Variants in USP31 observed in about 807,000 individuals in gnomAD.
The protein encoded by USP31 is ubiquitin carboxyl-terminal hydrolase 31.
A neutral mutation model predicts 119.4 loss-of-function variants in USP31; 44 were observed. The observed-to-expected ratio is 0.37, with a 90% CI of 0.29 to 0.47. USP31 has a LOEUF of 0.47. Ranked by LOEUF, USP31 falls within the 20% of genes least tolerant of loss-of-function variation. USP31 has a pLI of 0.99. For synonymous variants in USP31, 749 were observed against 705.6 expected (o/e 1.06, Z -0.97); for missense variants, 1,643 against 1,730.2 (o/e 0.95, Z 0.89).
At chr16:23,120,562 T>C (rs1483710830) in intron 1 of USP31, among the ~76,000 whole-genome samples, 3 of 152,236 alleles carry the variant, frequency 2.0e-5, no homozygotes, top group African/African-American at 4.8e-5. Flanking sequence ...AAAAAGAATG[T>C]ATCCCTACAG....
chr16:23,140,106 C>T (rs931973166), intron 1 of USP31, among the ~76,000 whole-genome samples: 4 of 152,228 alleles, frequency 2.6e-5, no homozygotes, highest in East Asian at 1.9e-4. Context: ...TTTCTAAAAT[C>T]GTTTTCATCA....
At chr16:23,147,495 A>G (rs1251852470) in intron 1 of USP31, among the ~76,000 whole-genome samples, 1 of 152,176 alleles carries the variant, frequency 6.6e-6, no homozygotes, top group East Asian at 1.9e-4. Flanking sequence ...TTCTGCTTAG[A>G]GTAACCGCCC....
intron 7 of USP31, among the ~76,000 whole-genome samples, chr16:23,088,806 GATTT>G (rs1486527874): frequency 6.6e-6 from 1 of 152,168 alleles, no homozygotes; most frequent in African/African-American, 2.4e-5. Context: ...CAAGCACTGT[GATTT>G]ATTTATCTTA....
chr16:23,072,302 G>C, intron 14 of USP31, 105 bp from the exon 15 acceptor site: 4 of 1,471,554 alleles, frequency 2.7e-6, no homozygotes, highest in Non-Finnish European at 3.7e-6. Context: ...GGGGGGCGTT[G>C]ATGTCCTCAC....
intron 6 of USP31, among the ~76,000 whole-genome samples, chr16:23,095,526 A>C (rs539974307): frequency 6.6e-6 from 1 of 152,330 alleles, no homozygotes; most frequent in East Asian, 1.9e-4. Context: ...CGAGAAGAAC[A>C]ACCCCAAGAC....
chr16:23,080,801 CA>C (rs1900786144), intron 12 of USP31, among the ~76,000 whole-genome samples: 2 of 152,112 alleles, frequency 1.3e-5, no homozygotes, highest in African/African-American at 4.8e-5. Context: ...TAGATATGTC[CA>C]CCCTAAGGAG....
At position 23,105,570 on chromosome 16, in the gene USP31, G is replaced by C. The variant is rs1389979423; in HGVS notation, c.960C>G (p.Leu320=). 2.5e-6 allele frequency: 4 copies of C among 1,613,570 alleles called. No homozygotes were observed. In the Admixed American group the frequency reaches 5.0e-5, roughly 20 times the overall value. ...LPIPLPHTRP[L]YVTVVYQGKC... Reference sequence around the variant, plus strand: ...TGCCTTGATACACTACAGTGACATAGAGAGGCCTGTACAGATCAAAGTCAG... The same window carrying C: ...TGCCTTGATACACTACAGTGACATACAGAGGCCTGTACAGATCAAAGTCAG... The change falls in exon 5 of 16, where the codon CTC becomes CTG. Residue 320 remains leucine, a synonymous_variant. Coordinates refer to ENST00000219689, the MANE Select transcript of USP31 (RefSeq NM_020718.4).
chr16:23,131,301 A>G (rs373665605), intron 1 of USP31, among the ~76,000 whole-genome samples: 1 of 152,116 alleles, frequency 6.6e-6, no homozygotes. Flanking sequence ...GACTGTCTAA[A>G]AATAGTAACA....
In USP31 at chr16:23,068,653, T is replaced by C. The variant is rs374242188; in HGVS notation, c.3452A>G (p.Asp1151Gly). ...GGAGCCCTCTCTACTCAAGCTGTGG[T>C]CTGAAGTCCTGCTCTTCCCAGGTGG... is the stretch of plus-strand genomic sequence containing the variant. ...PFPPGKSRTS[D>G]HSLSREGSRQ... is the part of the protein sequence containing the mutation. Residue 1151 changes from aspartate to glycine, a missense_variant, in exon 16 of 16, where the codon GAC (aspartate) becomes GGC (glycine). Physicochemically the swap from Asp to Gly is moderately conservative, Grantham distance 94. This residue lies in a region of USP31 where 699 missense variants were observed against 650.9 expected (regional missense o/e 1.07). Coordinates refer to ENST00000219689, the MANE Select transcript of USP31 (RefSeq NM_020718.4). The C allele has an allele frequency of 6.2e-7, 1 of 1,614,200 alleles. No individual in the cohort carries two copies. The highest frequency in any genetic ancestry group is 8.5e-7 in the Non-Finnish European group (1 of 1,180,038).
In USP31 at chr16:23,122,428, T is replaced by C. The variant is rs573424293; in HGVS notation, c.634-14245A>G. ...CGGCTCCTCAAACAATTAAACACAG[T>C]TACCATATGACCCAGCAATTCCATC... On this transcript the variant is annotated intron_variant, in intron 1 of 15. Coordinates refer to ENST00000219689, the MANE Select transcript of USP31 (RefSeq NM_020718.4). 2.4e-4 allele frequency among the ~76,000 whole-genome samples: 37 copies of C among 152,232 alleles called. No individual in the cohort carries two copies. The South Asian group carries it at 2.9e-3, about 12-fold the overall frequency.
In USP31 at chr16:23,061,472, A is replaced by C; in HGVS notation, c.*6574T>G. ...CATTTTCCACTTTTCTCTTAATTCC[A>C]ACTGTATACTATATAATCAACGCTG... On this transcript the variant is annotated 3_prime_UTR_variant, in exon 16 of 16. Coordinates refer to ENST00000219689, the MANE Select transcript of USP31 (RefSeq NM_020718.4). The C allele has an allele frequency of 6.6e-6, 1 of 152,648 alleles. No individual in the cohort carries two copies. The highest frequency in any genetic ancestry group is 2.4e-5 in the African/African-American group (1 of 41,442). The allele number at this position is 152,648 out of a possible 1,614,324, so 9.5% of individuals were successfully genotyped here. A position where few individuals can be genotyped will look rare whatever the true frequency, so the allele number is the denominator to read the frequency against.
intron 1 of USP31, among the ~76,000 whole-genome samples, chr16:23,113,141 A>G (rs1902378230): frequency 6.6e-6 from 1 of 152,210 alleles, no homozygotes; most frequent in Non-Finnish European, 1.5e-5. Context: ...TCGAAAGAGG[A>G]AAGCAGATGA....
At chr16:23,084,816 C>A (rs757734987) in intron 11 of USP31, 44 bp downstream of exon 11, 20 of 1,606,306 alleles carry the variant, frequency 1.2e-5, no homozygotes, top group Non-Finnish European at 1.7e-5. Context: ...ATGCCCCACT[C>A]CCCACTGCCC....
chr16:23,127,398 G>A (rs563242398), intron 1 of USP31, among the ~76,000 whole-genome samples: 114 of 151,992 alleles, frequency 7.5e-4, no homozygotes, highest in African/African-American at 2.4e-3. Context: ...CACCCTGGGC[G>A]ACAGAGCAAT....
At chr16:23,092,447 G>T (rs368882591) in intron 6 of USP31, among the ~76,000 whole-genome samples, 1 of 152,170 alleles carries the variant, frequency 6.6e-6, no homozygotes, top group African/African-American at 2.4e-5. Flanking sequence ...GAACTTCACA[G>T]TGTGGTGGGA....
chr16:23,102,260 G>A, intron 6 of USP31, 59 bp downstream of exon 6: 1 of 1,538,350 alleles, frequency 6.5e-7, no homozygotes, highest in Non-Finnish European at 8.7e-7. Flanking sequence ...AACTAAAAAG[G>A]TAGACTATAG....
chr16:23,073,646 CAG>C, intron 14 of USP31, 74 bp downstream of exon 14: 2 of 1,526,542 alleles, frequency 1.3e-6, no homozygotes, highest in Non-Finnish European at 1.8e-6. Flanking sequence ...TGAGAGCCTC[CAG>C]AGAGGTCCTC....
chr16:23,080,214 A>G (rs367597907), intron 12 of USP31, 43 bp from the exon 13 acceptor site: 34 of 1,494,398 alleles, frequency 2.3e-5, no homozygotes, highest in Middle Eastern at 1.8e-4. Context: ...ATTTTAATGC[A>G]AGCAGATGGC....
intron 1 of USP31, among the ~76,000 whole-genome samples, chr16:23,136,336 C>T (rs1048052089): frequency 4.6e-5 from 7 of 152,070 alleles, no homozygotes; most frequent in Non-Finnish European, 8.8e-5. Context: ...AAAAGAAAAA[C>T]TAGAAAAAGT....
Sources: allele counts gnomAD v4.1 joint callset (sites outside exome capture counted in the v4.1 genomes callset), GRCh38; gene constraint gnomAD v4.1.1; regional missense constraint gnomAD v4.1.1; transcripts MANE v1.5; gene names NCBI Gene and HGNC (gene_info 2026-07-23, HGNC 2026-07-21).